JMJD1C: variants seen among roughly 807,000 people sequenced by gnomAD.
The protein encoded by JMJD1C is jumonji domain-containing protein 1C.
Under a neutral mutation model 245.3 loss-of-function variants are expected in JMJD1C, and 31 were observed. The observed-to-expected ratio is 0.13, with a 90% CI of 0.09 to 0.17. JMJD1C has a LOEUF of 0.17. Ranked by LOEUF, JMJD1C falls within the 10% of genes least tolerant of loss-of-function variation. The probability of loss-of-function intolerance (pLI) is 1.00; values close to 1 mark genes in which losing one functional copy is unlikely to be tolerated. For missense variants in JMJD1C, 2,691 were observed against 3,000.2 expected (o/e 0.90, Z 2.41); for synonymous variants, 1,057 against 1,017.4 (o/e 1.04, Z -0.74).
chr10:63,477,738 G>T (rs1449003188), intron 1 of JMJD1C, among the ~76,000 whole-genome samples: 2 of 151,954 alleles, frequency 1.3e-5, no homozygotes, highest in African/African-American at 4.8e-5. Context: ...CCAAAAGCAA[G>T]ATTCATAAAA....
rs572536158 is a variant in JMJD1C, at chr10:63,189,810, A to G, written c.6292-364T>C. 2.6e-5 allele frequency among the ~76,000 whole-genome samples: 4 copies of G among 152,208 alleles called. No homozygotes were observed. The South Asian group carries it at 6.2e-4, about 24-fold the overall frequency. On this transcript the variant is annotated intron_variant, in intron 17 of 25. Coordinates refer to ENST00000399262, the MANE Select transcript of JMJD1C (RefSeq NM_032776.3). ...AGGCTGGTTTCAAACTCCTGGGCTC[A>G]AGCAATCCTCCCACCTCAGCCTCCC...
intron 2 of JMJD1C, among the ~76,000 whole-genome samples, chr10:63,374,667 G>A (rs1282484372): frequency 6.6e-6 from 1 of 152,084 alleles, no homozygotes; most frequent in Admixed American, 6.6e-5. Context: ...TGCTTATAAT[G>A]CTCCCTAGAA....
At chr10:63,419,245 G>C (rs1949976845) in intron 1 of JMJD1C, among the ~76,000 whole-genome samples, 2 of 151,778 alleles carry the variant, frequency 1.3e-5, no homozygotes, top group East Asian at 1.9e-4. Flanking sequence ...AAATTAGCTG[G>C]GCATGGTGGC....
chr10:63,489,844 T>G (rs762370433), intron 1 of JMJD1C, among the ~76,000 whole-genome samples: 1 of 152,026 alleles, frequency 6.6e-6, no homozygotes, highest in Non-Finnish European at 1.5e-5. Context: ...GGGGTCCCCA[T>G]CCCCCGGACC....
chr10:63,288,185 T>C (rs1377931539), intron 2 of JMJD1C, among the ~76,000 whole-genome samples: 16 of 152,178 alleles, frequency 1.1e-4, no homozygotes, highest in African/African-American at 3.9e-4. Flanking sequence ...AATCCCTGTA[T>C]AAGTAGATCT....
At chr10:63,319,431 T>G (rs557668144) in intron 2 of JMJD1C, among the ~76,000 whole-genome samples, 1 of 152,126 alleles carries the variant, frequency 6.6e-6, no homozygotes, top group South Asian at 2.1e-4. Context: ...TATTTTAACT[T>G]TAACGTATGT....
intron 1 of JMJD1C, among the ~76,000 whole-genome samples, chr10:63,450,773 C>T (rs1320943543): frequency 6.6e-6 from 1 of 152,092 alleles, no homozygotes; most frequent in African/African-American, 2.4e-5. Flanking sequence ...ACAAGGATAC[C>T]TGCTGTTGCC....
intron 2 of JMJD1C, among the ~76,000 whole-genome samples, chr10:63,314,548 A>AAC (rs71025155): frequency 0.42 from 64,431 of 151,748 alleles, 14,283 homozygotes; most frequent in South Asian, 0.53. Context: ...CCCTGTCACA[A>AAC]ACACACACAC....
Position 63,189,155 on chromosome 10 carries a change from C to T in JMJD1C, c.6570+13G>A. On this transcript the variant is annotated intron_variant, in intron 18 of 25. Coordinates refer to ENST00000399262, the MANE Select transcript of JMJD1C (RefSeq NM_032776.3). ...TCCACCAAGAGTGTTCTTTATCAGC[C>T]TAAAATACACACCTGTCCTTGTTTC... 6.3e-7 allele frequency: 1 copy of T among 1,587,392 alleles called. No individual in the cohort carries two copies.
At chr10:63,471,495 T>A (rs1953491227) in intron 1 of JMJD1C, among the ~76,000 whole-genome samples, 1 of 152,148 alleles carries the variant, frequency 6.6e-6, no homozygotes, top group African/African-American at 2.4e-5. Context: ...CCCCAAAATG[T>A]TAAAGGACTG....
chr10:63,277,438 T>C (rs1055683943), intron 2 of JMJD1C, among the ~76,000 whole-genome samples: 2 of 152,212 alleles, frequency 1.3e-5, no homozygotes, highest in Non-Finnish European at 2.9e-5. Flanking sequence ...GCAGCAGCCC[T>C]TTCCCTGATA....
rs555187335 is a variant in JMJD1C, at chr10:63,463,466, C to T, written c.168+2029G>A. 1.2e-4 allele frequency among the ~76,000 whole-genome samples: 19 copies of T among 152,264 alleles called. No individual in the cohort carries two copies. In the South Asian group the frequency reaches 3.9e-3, roughly 32 times the overall value. On this transcript the variant is annotated intron_variant, in intron 1 of 25. Transcript: ENST00000399262. ...ACAGGCGTGAGCCACTGTGCCTAGC[C>T]TAATTTCATGTAACTTAAAATCTAC...
intron 3 of JMJD1C, chr10:63,222,620 G>A: frequency 6.3e-7 from 1 of 1,588,648 alleles, no homozygotes. Context: ...CTCACATGCT[G>A]AATTTTTGGA....
At chr10:63,297,799 G>T (rs1167532398) in intron 2 of JMJD1C, among the ~76,000 whole-genome samples, 1 of 152,170 alleles carries the variant, frequency 6.6e-6, no homozygotes, top group African/African-American at 2.4e-5. Context: ...ACACAAATGG[G>T]CTGAAACTGC....
intron 1 of JMJD1C, among the ~76,000 whole-genome samples, chr10:63,518,642 A>C (rs1371438566): frequency 6.6e-6 from 1 of 152,216 alleles, no homozygotes; most frequent in African/African-American, 2.4e-5. Flanking sequence ...TAAAATCATG[A>C]TGCAAGATGG....
chr10:63,215,293 C>T lies in JMJD1C; in HGVS notation c.985G>A (p.Glu329Lys). The T allele has an allele frequency of 6.2e-7, 1 of 1,607,352 alleles. No individual in the cohort carries two copies. The change falls in exon 7 of 26, where the codon GAG (glutamate) becomes AAG (lysine). Residue 329 changes from glutamate to lysine, a missense_variant. Around this residue, in one of 9 missense-constraint regions of JMJD1C, gnomAD observed 1,562 missense variants for 1,490.7 expected, o/e 1.05. Transcript: ENST00000399262. The part of the protein sequence containing the change: ...SSIPDEEKMK[E>K]EKYDYISRGE... The stretch of plus-strand genomic sequence containing the variant: ...CGTGATATATAATCATATTTTTCCT[C>T]CTTCATCTTCTCTTCATCTGGTATA...
At chr10:63,246,763 A>G (rs1852262740) in intron 3 of JMJD1C, among the ~76,000 whole-genome samples, 1 of 152,220 alleles carries the variant, frequency 6.6e-6, no homozygotes, top group Admixed American at 6.5e-5. Flanking sequence ...TGACCACAAC[A>G]GAATAAACCT....
chr10:63,247,719 C>CAAAAAAAAAAA (rs71025135), intron 3 of JMJD1C, among the ~76,000 whole-genome samples: 1 of 105,470 alleles, frequency 9.5e-6, no homozygotes, highest in Non-Finnish European at 1.8e-5. Flanking sequence ...GTGACAGAGC[C>CAAAAAAAAAAA]AAAAAAAAAA....
intron 21 of JMJD1C, 30 bp downstream of exon 21, chr10:63,184,578 T>C: frequency 1.9e-6 from 3 of 1,566,136 alleles, no homozygotes; most frequent in Non-Finnish European, 2.6e-6. Context: ...ATATAATTCC[T>C]ACATGGGAGA....
Sources: allele counts gnomAD v4.1 joint callset (sites outside exome capture counted in the v4.1 genomes callset), GRCh38; gene constraint gnomAD v4.1.1; regional missense constraint gnomAD v4.1.1; transcripts MANE v1.5; gene names NCBI Gene and HGNC (gene_info 2026-07-23, HGNC 2026-07-21).